COL5A1: variants seen among roughly 807,000 people sequenced by gnomAD.
COL5A1 encodes collagen alpha-1(V) chain.
COL5A1 carries 16 observed loss-of-function variants against 263.7 expected under a neutral mutation model. The observed-to-expected ratio is 0.06, with a 90% CI of 0.04 to 0.09. The LOEUF (loss-of-function observed/expected upper bound fraction) is 0.09. COL5A1 is among the 10% of genes least tolerant of loss of function. COL5A1 has a pLI of 1.00. For missense variants in COL5A1, 2,036 were observed against 2,540.5 expected (o/e 0.80, Z 4.27); for synonymous variants, 1,012 against 1,004.5 (o/e 1.01, Z -0.14).
intron 11 of COL5A1, among the ~76,000 whole-genome samples, chr9:134,739,141 C>A (rs1344994498): frequency 6.6e-6 from 1 of 152,246 alleles, no homozygotes; most frequent in Admixed American, 6.5e-5. Context: ...CCACTCCTCG[C>A]CCCTGGGCAG....
chr9:134,723,282 G>A (rs1472020007), intron 4 of COL5A1, among the ~76,000 whole-genome samples: 2 of 151,526 alleles, frequency 1.3e-5, no homozygotes, highest in Non-Finnish European at 2.9e-5. Context: ...GTTGGAGGGG[G>A]CTCGGCGGTG....
chr9:134,761,238 CCCCACACACTCCA>C (rs1836425392), intron 18 of COL5A1, among the ~76,000 whole-genome samples: 1 of 151,262 alleles, frequency 6.6e-6, no homozygotes, highest in African/African-American at 2.4e-5. Flanking sequence ...CCCCACATAC[CCCCACACACTCCA>C]CCCACACACG....
rs865826172 is a variant in COL5A1 at position 134,813,183 on chromosome 9, T to C, written c.3852+471T>C. On this transcript the variant is annotated intron_variant, in intron 48 of 65. Transcript: ENST00000371817. ...TGGAGCCCAGACTCCATGAGCGTCA[T>C]GGACCCAGTCGTGTGTGTGTGTGTG... 4.6e-5 allele frequency among the ~76,000 whole-genome samples: 7 copies of C among 152,046 alleles called. No homozygotes were observed. The South Asian group carries it at 1.5e-3, about 32-fold the overall frequency.
rs542342992 is a variant in COL5A1 at position 134,692,735 on chromosome 9, G to A, written c.277+1656G>A. ...TCTCTGCTGGATTATCTTGTGGCCA[G>A]AAATATTACAGTATCTCAGGAATAC... On this transcript the variant is annotated intron_variant, in intron 2 of 65. Transcript: ENST00000371817. Among the ~76,000 whole-genome samples, 8 of 152,324 alleles carry A rather than the reference G, an allele frequency of 5.3e-5. No homozygotes were observed. The South Asian group carries it at 1.7e-3, about 32-fold the overall frequency.
Position 134,818,881 on chromosome 9 carries a change from G to A in COL5A1, c.4372G>A (p.Asp1458Asn), listed in dbSNP as rs577270517. The part of the protein sequence containing the change: ...EQGLPGSPGP[D>N]GPPGPMGPPG... The stretch of plus-strand genomic sequence containing the variant: ...AGGTCTCCCAGGATCCCCAGGCCCG[G>A]ACGGTCCCCCCGGCCCCATGGTGAG... Residue 1458 changes from aspartate (D) to asparagine (N), a missense_variant, in exon 56 of 66, where the codon GAC becomes AAC. By Grantham distance (23) the Asp-to-Asn change is conservative. This residue lies in a region of COL5A1 where 1,078 missense variants were observed against 1,521.4 expected (regional missense o/e 0.71). Coordinates refer to ENST00000371817, the MANE Select transcript of COL5A1 (RefSeq NM_000093.5). This position sits in a 1 kb window ranked among gnomAD's most constrained non-coding sequence, Gnocchi z 6.0. The A allele has an allele frequency of 9.7e-5, 157 of 1,613,076 alleles. No homozygotes were observed. In the South Asian group the frequency reaches 1.7e-3, roughly 17 times the overall value.
chr9:134,670,972 C>A (rs145011817), intron 1 of COL5A1, among the ~76,000 whole-genome samples: 1 of 152,334 alleles, frequency 6.6e-6, no homozygotes, highest in African/African-American at 2.4e-5. Context: ...GAGCTGATGT[C>A]TGGAGGTGGC....
intron 1 of COL5A1, among the ~76,000 whole-genome samples, chr9:134,685,083 C>CCCACCATCCATCCATCCAT (rs1832978343): frequency 3.7e-5 from 1 of 26,842 alleles, no homozygotes; most frequent in African/African-American, 1.9e-4. Flanking sequence ...CATCCATCCA[C>CCCACCATCCATCCATCCAT]CCACCATCCA....
chr9:134,827,632 G>A (rs529013185), intron 63 of COL5A1, among the ~76,000 whole-genome samples: 91 of 152,334 alleles, frequency 6.0e-4, no homozygotes, highest in Middle Eastern at 6.8e-3. Context: ...TGGTGTTCAC[G>A]GCACAGCAGC....
chr9:134,840,963 A>AT (rs748457315), intron 65 of COL5A1, among the ~76,000 whole-genome samples: 251 of 152,330 alleles, frequency 1.6e-3, no homozygotes, highest in Non-Finnish European at 2.8e-3. Flanking sequence ...CCCTCCCCAT[A>AT]GGTCAGGGAG....
chr9:134,803,078 T>C, intron 39 of COL5A1, 83 bp downstream of exon 39: 1 of 1,094,266 alleles, frequency 9.1e-7, no homozygotes, highest in Non-Finnish European at 1.4e-6. Context: ...TGCCCTTTTC[T>C]GATGAATGGG....
chr9:134,727,465 A>G (rs1834704606), intron 5 of COL5A1, 68 bp downstream of exon 5: 1 of 1,569,638 alleles, frequency 6.4e-7, no homozygotes, highest in Admixed American at 1.7e-5. Flanking sequence ...GTGAAGAGAC[A>G]CATAAGCCAT....
chr9:134,669,215 CCCTTCCCTTCCCTTCCCTTTCCTTCCCTT>C (rs1832454554), intron 1 of COL5A1, among the ~76,000 whole-genome samples: 1 of 88,870 alleles, frequency 1.1e-5, no homozygotes. Flanking sequence ...CTTTCCTTTT[CCCTTCCCTTCCCTTCCCTTTCCTTCCCTT>C]CCCTTCCCTT....
intron 11 of COL5A1, among the ~76,000 whole-genome samples, chr9:134,747,914 C>A (rs1282718658): frequency 6.8e-6 from 1 of 148,042 alleles, no homozygotes; most frequent in Non-Finnish European, 1.5e-5. Flanking sequence ...CAGACACATG[C>A]ACACATGCAT....
rs143121023 is a variant in COL5A1, at chr9:134,836,056, C to T, written c.5370+852C>T. On this transcript the variant is annotated intron_variant, in intron 65 of 65. Coordinates refer to ENST00000371817, the MANE Select transcript of COL5A1 (RefSeq NM_000093.5). ...CCTGTCACTGACATTGGAGCCTGTTCTCTCCACCACTTATTCTTGAGAGAC... is the reference window on the plus strand; with the variant it reads ...CCTGTCACTGACATTGGAGCCTGTTTTCTCCACCACTTATTCTTGAGAGAC... 1.4e-4 allele frequency among the ~76,000 whole-genome samples: 22 copies of T among 152,350 alleles called. No individual in the cohort carries two copies. In the East Asian group the frequency reaches 4.1e-3, roughly 28 times the overall value.
intron 39 of COL5A1, 36 bp from the exon 40 acceptor site, chr9:134,804,939 G>A: frequency 1.3e-6 from 2 of 1,580,468 alleles, no homozygotes; most frequent in African/African-American, 1.3e-5. Context: ...CTGCGTCACT[G>A]GCTCCAGGAA....
intron 59 of COL5A1, among the ~76,000 whole-genome samples, chr9:134,822,376 A>G (rs1264175227): frequency 1.3e-5 from 2 of 152,212 alleles, no homozygotes; most frequent in Non-Finnish European, 2.9e-5. Context: ...AGACAGGGAC[A>G]GGAAACGGTG....
intron 18 of COL5A1, among the ~76,000 whole-genome samples, chr9:134,761,462 A>G (rs1034848676): frequency 6.6e-6 from 1 of 152,244 alleles, no homozygotes. Flanking sequence ...CAGCACAGCC[A>G]TGAAGGCTGT....
intron 1 of COL5A1, among the ~76,000 whole-genome samples, chr9:134,666,993 T>C (rs1423865418): frequency 2.0e-5 from 3 of 152,224 alleles, no homozygotes; most frequent in Admixed American, 6.5e-5. Flanking sequence ...CACATAACCA[T>C]TTTTTGATTA....
chr9:134,654,185 G>GA (rs1831810843), intron 1 of COL5A1, among the ~76,000 whole-genome samples: 2 of 144,498 alleles, frequency 1.4e-5, no homozygotes, highest in African/African-American at 2.6e-5. Flanking sequence ...TAGGGCTGGA[G>GA]GTGTGTAGGG....
Sources: gnomAD v4.1 joint callset for allele counts (sites outside exome capture counted in the v4.1 genomes callset) on GRCh38, gnomAD v4.1.1 for gene constraint, gnomAD v4.1.1 regional missense constraint, Gnocchi (gnomAD v3.1) non-coding constraint, MANE v1.5 for transcripts, NCBI Gene and HGNC (gene_info 2026-07-23, HGNC 2026-07-21) for gene names.